Variants in KAZN observed in about 807,000 individuals in gnomAD.
The protein encoded by KAZN is kazrin, periplakin interacting protein.
In KAZN, 40 loss-of-function variants were observed where a neutral mutation model predicts 87.4. That is an observed-to-expected ratio of 0.46 (90% confidence interval 0.36 to 0.60). KAZN has a LOEUF of 0.60. KAZN is among the 20% of genes least tolerant of loss of function. The probability of loss-of-function intolerance (pLI) is 0.00; values close to 1 mark genes in which losing one functional copy is unlikely to be tolerated. For synonymous variants in KAZN, 466 were observed against 458.3 expected (o/e 1.02, Z -0.22); for missense variants, 898 against 1,073.9 (o/e 0.84, Z 2.29).
intron 1 of KAZN, among the ~76,000 whole-genome samples, chr1:14,797,047 T>C (rs1392034122): frequency 6.6e-6 from 1 of 152,138 alleles, no homozygotes; most frequent in Non-Finnish European, 1.5e-5. Flanking sequence ...AAGGTGGTGC[T>C]GGGTTTTTTT....
intron 2 of KAZN, among the ~76,000 whole-genome samples, chr1:14,383,581 C>A (rs1479571587): frequency 6.6e-6 from 1 of 151,436 alleles, no homozygotes; most frequent in Non-Finnish European, 1.5e-5. Context: ...GAATCCTTTC[C>A]CCATTGCTTG....
intron 1 of KAZN, among the ~76,000 whole-genome samples, chr1:14,090,189 T>C (rs985567531): frequency 6.6e-6 from 1 of 152,182 alleles, no homozygotes; most frequent in African/African-American, 2.4e-5. Flanking sequence ...GTTTAGCCAT[T>C]ATTTATTTAA....
At chr1:14,415,860 T>C (rs1421532357) in intron 2 of KAZN, among the ~76,000 whole-genome samples, 1 of 151,830 alleles carries the variant, frequency 6.6e-6, no homozygotes, top group Non-Finnish European at 1.5e-5. Context: ...CTGGAAAAAA[T>C]GTACTTGAAA....
chr1:14,227,923 C>T (rs1185539119), intron 2 of KAZN, among the ~76,000 whole-genome samples: 2 of 152,150 alleles, frequency 1.3e-5, no homozygotes, highest in Non-Finnish European at 2.9e-5. Context: ...GTGTGAGACT[C>T]AGGGTGCTGC....
chr1:14,110,733 C>T (rs1644485119), intron 1 of KAZN, among the ~76,000 whole-genome samples: 1 of 133,540 alleles, frequency 7.5e-6, no homozygotes, highest in Non-Finnish European at 1.6e-5. Context: ...CTAGCCCAAG[C>T]TGTGCTTTGA....
intron 2 of KAZN, among the ~76,000 whole-genome samples, chr1:14,256,548 C>G (rs6663370): frequency 0.19 from 28,486 of 151,840 alleles, 3,008 homozygotes; most frequent in Middle Eastern, 0.31. Flanking sequence ...TGTTATTCAC[C>G]TGTCCCCTGA....
At chr1:14,723,796 C>T (rs911836628) in intron 1 of KAZN, among the ~76,000 whole-genome samples, 12 of 152,110 alleles carry the variant, frequency 7.9e-5, no homozygotes, top group Non-Finnish European at 1.5e-4. Context: ...TTGACTGATC[C>T]AGAGGGTTTA....
At chr1:14,126,363 C>T (rs58346738) in intron 1 of KAZN, among the ~76,000 whole-genome samples, 1 of 29,722 alleles carries the variant, frequency 3.4e-5, no homozygotes, top group East Asian at 3.6e-3. Flanking sequence ...TCCCCCCCCC[C>T]GTCAAGATGC....
chr1:14,161,978 T>C (rs1243956732), intron 1 of KAZN, among the ~76,000 whole-genome samples: 2 of 152,222 alleles, frequency 1.3e-5, no homozygotes, highest in African/African-American at 4.8e-5. Flanking sequence ...ATAGTTACAC[T>C]TGTTCAAAAA....
At chr1:13,896,271 G>A (rs371292105) in intron 1 of KAZN, among the ~76,000 whole-genome samples, 1 of 152,106 alleles carries the variant, frequency 6.6e-6, no homozygotes, top group East Asian at 1.9e-4. Context: ...CAGACAAAGT[G>A]TATACGAATG....
chr1:14,598,549 C>T (rs895354417), upstream of KAZN, among the ~76,000 whole-genome samples: 2 of 152,104 alleles, frequency 1.3e-5, no homozygotes, highest in African/African-American at 2.4e-5. The surrounding 1 kb of genome is among the most constrained non-coding windows in gnomAD (Gnocchi z 4.2). Context: ...CCGCCTCCGC[C>T]CCCCCGGGGG....
intron 2 of KAZN, among the ~76,000 whole-genome samples, chr1:14,480,608 A>G (rs1669018752): frequency 7.0e-6 from 1 of 142,052 alleles, no homozygotes. Flanking sequence ...TATATTTTAT[A>G]TAATGTATAA....
chr1:14,413,148 T>C (rs1340246985), intron 2 of KAZN, among the ~76,000 whole-genome samples: 1 of 141,926 alleles, frequency 7.0e-6, no homozygotes, highest in African/African-American at 3.1e-5. Context: ...ACCTACTAGA[T>C]AGAGATTAGA....
Position 14,598,948 on chromosome 1 carries a change from A to T in KAZN, c.-50A>T, listed in dbSNP as rs1557826093. 1 of 1,557,462 alleles carries T rather than the reference A, an allele frequency of 6.4e-7. No individual in the cohort carries two copies. The highest frequency in any genetic ancestry group is 8.6e-7 in the Non-Finnish European group (1 of 1,156,072). ...GTGCCCGGCCGCGCGCCCCCCGCGC[A>T]TCATGCAGCTCTTTGTCACCTCTCT... On this transcript the variant is annotated 5_prime_UTR_variant, in exon 1 of 15. Coordinates refer to ENST00000376030, the MANE Select transcript of KAZN (RefSeq NM_201628.3). The surrounding 1 kb of genome is among the most constrained non-coding windows in gnomAD (Gnocchi z 4.2).
chr1:14,851,882 G>C (rs61258491), intron 1 of KAZN, among the ~76,000 whole-genome samples: 235 of 152,314 alleles, frequency 1.5e-3, no homozygotes, highest in African/African-American at 5.2e-3. Context: ...GCAGGTCACT[G>C]GGGGAGGGAC....
chr1:14,644,650 C>T (rs1161140328), intron 1 of KAZN, among the ~76,000 whole-genome samples: 2 of 152,146 alleles, frequency 1.3e-5, no homozygotes, highest in African/African-American at 2.4e-5. Flanking sequence ...TGTGAGCCAC[C>T]GTGCCGGGCC....
In KAZN at chr1:15,115,012, C is replaced by T. The variant is rs1217769745; in HGVS notation, c.*377C>T. 6.1e-6 allele frequency: 1 copy of T among 164,088 alleles called. No homozygotes were observed. Among genetic ancestry groups the T allele is most frequent in the African/African-American group, 2.4e-5 (1 of 42,002 alleles). The allele number at this position is 164,088 out of a possible 1,614,324, so 10.2% of individuals were successfully genotyped here. A position where few individuals can be genotyped will look rare whatever the true frequency, so the allele number is the denominator to read the frequency against. On this transcript the variant is annotated 3_prime_UTR_variant, in exon 15 of 15. Coordinates refer to ENST00000376030, the MANE Select transcript of KAZN (RefSeq NM_201628.3). The surrounding 1 kb of genome is among the most constrained non-coding windows in gnomAD (Gnocchi z 4.1). ...CCAAGGTGGGAGGAGGCCCACAGTT[C>T]CCTAAAACACCCTTCCGGCGGGAGC...
intron 2 of KAZN, among the ~76,000 whole-genome samples, chr1:14,524,090 C>T (rs747319830): frequency 8.5e-5 from 13 of 152,064 alleles, no homozygotes; most frequent in East Asian, 5.8e-4. Context: ...GGTGTGAGCT[C>T]GGCTCACTGC....
intron 2 of KAZN, among the ~76,000 whole-genome samples, chr1:14,314,650 G>A (rs1655531216): frequency 6.6e-6 from 1 of 151,664 alleles, no homozygotes; most frequent in African/African-American, 2.4e-5. Context: ...TTTTTTTGTT[G>A]TTTAAAAGTA....
Sources: gnomAD v4.1 joint callset for allele counts (sites outside exome capture counted in the v4.1 genomes callset) on GRCh38, gnomAD v4.1.1 for gene constraint, Gnocchi (gnomAD v3.1) non-coding constraint, MANE v1.5 for transcripts, NCBI Gene and HGNC (gene_info 2026-07-23, HGNC 2026-07-21) for gene names.